ARNT: variants seen among roughly 807,000 people sequenced by gnomAD.
The protein encoded by ARNT is aryl hydrocarbon receptor nuclear translocator.
In ARNT, 30 loss-of-function variants were observed where a neutral mutation model predicts 105.0. That is an observed-to-expected ratio of 0.29 (90% CI 0.21 to 0.39). The LOEUF is 0.39. ARNT is among the 10% of genes least tolerant of loss of function. The pLI, the probability that ARNT is intolerant of heterozygous loss-of-function variation, is 1.00. For synonymous variants in ARNT, 304 were observed against 344.0 expected (o/e 0.88, Z 1.29); for missense variants, 748 against 978.7 (o/e 0.76, Z 3.15).
chr1:150,843,320 G>C (rs941977367), intron 4 of ARNT, among the ~76,000 whole-genome samples: 17 of 152,112 alleles, frequency 1.1e-4, no homozygotes, highest in African/African-American at 3.6e-4. Context: ...GTGTTGGCAG[G>C]CCATTGTGTC....
intron 2 of ARNT, among the ~76,000 whole-genome samples, chr1:150,856,161 C>G (rs1387039483): frequency 6.6e-6 from 1 of 152,154 alleles, no homozygotes; most frequent in African/African-American, 2.4e-5. Context: ...GAAATATGGG[C>G]CGGGTGCAGT....
intron 1 of ARNT, among the ~76,000 whole-genome samples, chr1:150,870,215 T>C (rs1667219874): frequency 6.6e-6 from 1 of 152,204 alleles, no homozygotes; most frequent in Non-Finnish European, 1.5e-5. Context: ...AATACTTACC[T>C]AATACGATTG....
At chr1:150,821,752 G>A (rs967106056) in intron 14 of ARNT, among the ~76,000 whole-genome samples, 1 of 151,406 alleles carries the variant, frequency 6.6e-6, no homozygotes, top group Non-Finnish European at 1.5e-5. Flanking sequence ...AGGTTCAAGT[G>A]ATTCTCATAC....
intron 6 of ARNT, among the ~76,000 whole-genome samples, chr1:150,839,055 T>C (rs866099020): frequency 6.6e-6 from 1 of 152,166 alleles, no homozygotes; most frequent in Admixed American, 6.5e-5. Context: ...GTGGGACAGA[T>C]TCATTCTATT....
rs191429317 is a variant in ARNT, at chr1:150,863,770, G to A, written c.26-5310C>T. On this transcript the variant is annotated intron_variant, in intron 1 of 21. Transcript: ENST00000358595. ...AGGCAGAGGTTGCAGTGAGCCAATC[G>A]AGCCACTGAACTCCAGCCTGGGCAA... 1.3e-3 allele frequency among the ~76,000 whole-genome samples: 201 copies of A among 150,302 alleles called. 1 individual carries two copies. The highest frequency in any genetic ancestry group is 4.6e-3 in the African/African-American group (188 of 40,928).
chr1:150,853,263 A>AAGC, intron 2 of ARNT: 1 of 382,250 alleles, frequency 2.6e-6, no homozygotes, highest in Non-Finnish European at 5.1e-6. Context: ...CCTGGGCGAC[A>AAGC]ACTGCAAGAC....
chr1:150,814,165 G>A lies in ARNT; in HGVS notation c.2025C>T (p.Ser675=). The A allele has an allele frequency of 6.2e-7, 1 of 1,614,188 alleles. No individual in the cohort carries two copies. The highest frequency in any genetic ancestry group is 1.3e-5 in the African/African-American group (1 of 75,042). ...FGVGSFQTPS[S]FSSMSLPGAP... The stretch of plus-strand genomic sequence containing the variant: ...CACCAGGGAGGGACATGGAGCTGAA[G>A]GAGGATGGAGTCTGAAAGCTGCCCA... The change falls in exon 20 of 22, where the codon TCC becomes TCT. Residue 675 remains serine, a synonymous_variant. Coordinates refer to ENST00000358595, the MANE Select transcript of ARNT (RefSeq NM_001668.4).
In ARNT at chr1:150,846,545, T is replaced by C. The variant is rs587726005; in HGVS notation, c.183-238A>G. Among the ~76,000 whole-genome samples the C allele has an allele frequency of 3.3e-4, 50 of 152,282 alleles. 1 individual carries two copies. Among genetic ancestry groups the C allele is most frequent in the South Asian group, 4.1e-4 (2 of 4,824 alleles). ...CAGACACACCAAAAAAAGATGATGA[T>C]CTAATGACAACACAGCTGACTGGCC... is the stretch of plus-strand genomic sequence containing the variant. On this transcript the variant is annotated intron_variant, in intron 3 of 21. Coordinates refer to ENST00000358595, the MANE Select transcript of ARNT (RefSeq NM_001668.4).
At chr1:150,860,677 G>A (rs1665473329) in intron 1 of ARNT, among the ~76,000 whole-genome samples, 1 of 151,716 alleles carries the variant, frequency 6.6e-6, no homozygotes, top group Non-Finnish European at 1.5e-5. Flanking sequence ...TCAACATGGT[G>A]AAATCCCATC....
intron 1 of ARNT, among the ~76,000 whole-genome samples, chr1:150,860,215 A>AATTT (rs1221352608): frequency 3.0e-5 from 2 of 65,620 alleles, no homozygotes; most frequent in Non-Finnish European, 3.3e-5. Context: ...AAAAAAAAAA[A>AATTT]TTCTTTTTTT....
chr1:150,855,905 C>T (rs990607257), intron 2 of ARNT, among the ~76,000 whole-genome samples: 1 of 150,486 alleles, frequency 6.6e-6, no homozygotes, highest in Non-Finnish European at 1.5e-5. Context: ...ACTCTGTCTC[C>T]GAAATGTGTG....
At chr1:150,875,431 T>C (rs375029621) in intron 1 of ARNT, among the ~76,000 whole-genome samples, 2 of 152,186 alleles carry the variant, frequency 1.3e-5, no homozygotes, top group East Asian at 3.8e-4. Context: ...AAATCTAATT[T>C]AAATTTCAAC....
intron 8 of ARNT, among the ~76,000 whole-genome samples, chr1:150,834,041 T>C (rs899597691): frequency 1.3e-5 from 2 of 151,964 alleles, no homozygotes; most frequent in Admixed American, 6.5e-5. Flanking sequence ...TTCAAGCAAT[T>C]GTCCTGCCTC....
chr1:150,834,750 C>T (rs1659990069), intron 7 of ARNT, 110 bp from the exon 8 acceptor site: 1 of 903,090 alleles, frequency 1.1e-6, no homozygotes, highest in Non-Finnish European at 1.7e-6. Flanking sequence ...CCCTTAATCT[C>T]CTTGCTTATA....
intron 12 of ARNT, among the ~76,000 whole-genome samples, chr1:150,826,962 A>C (rs1372438621): frequency 6.6e-6 from 1 of 151,684 alleles, no homozygotes; most frequent in Non-Finnish European, 1.5e-5. Context: ...ATATAATTTT[A>C]TGGTCATCTA....
At chr1:150,851,487 A>G (rs1663530076) in intron 3 of ARNT, among the ~76,000 whole-genome samples, 1 of 99,784 alleles carries the variant, frequency 1.0e-5, no homozygotes, top group African/African-American at 3.2e-5. Context: ...AAGTAGACAT[A>G]GGAGACTCTA....
Position 150,846,309 on chromosome 1 carries a change from TGAA to T in ARNT, c.183-5_183-3del, listed in dbSNP as rs1265249132. 6.2e-7 allele frequency: 1 copy of T among 1,613,478 alleles called. No individual in the cohort carries two copies. The highest frequency in any genetic ancestry group is 1.3e-5 in the African/African-American group (1 of 74,864). On this transcript the variant is annotated splice_polypyrimidine_tract_variant and splice_region_variant and intron_variant, in intron 3 of 21. Transcript: ENST00000358595. ...TTAGACATCTGATCATCATCACACC[TGAA>T]GGAGAGAAAAAGGATTGTTTCAAAG... is the stretch of plus-strand genomic sequence containing the variant.
chr1:150,820,805 C>T (rs1449524362), intron 14 of ARNT, among the ~76,000 whole-genome samples: 6 of 152,190 alleles, frequency 3.9e-5, no homozygotes, highest in South Asian at 2.1e-4. Flanking sequence ...CTTGATAAGA[C>T]TAAGAAGAGT....
Position 150,836,261 on chromosome 1 carries a change from C to G in ARNT, c.700+19G>C. 1 of 1,609,914 alleles carries G rather than the reference C, an allele frequency of 6.2e-7. No individual in the cohort carries two copies. The highest frequency in any genetic ancestry group is 1.1e-5 in the South Asian group (1 of 90,964). On this transcript the variant is annotated intron_variant, in intron 7 of 21. Transcript: ENST00000358595. Reference sequence around the variant, plus strand: ...CAAGAAAGGACTTCTCATTCATTTCCCATACACATAACTCTCACCTGTCAG... The same window carrying G: ...CAAGAAAGGACTTCTCATTCATTTCGCATACACATAACTCTCACCTGTCAG...
Sources: allele counts gnomAD v4.1 joint callset (sites outside exome capture counted in the v4.1 genomes callset), GRCh38; gene constraint gnomAD v4.1.1; transcripts MANE v1.5; gene names NCBI Gene and HGNC (gene_info 2026-07-23, HGNC 2026-07-21).